The following CORO2A variants were observed in gnomAD, a reference collection of about 807,000 sequenced individuals.
CORO2A encodes coronin-2A.
CORO2A carries 47 observed loss-of-function variants against 62.4 expected under a neutral mutation model. That is an observed-to-expected ratio of 0.75 (90% CI 0.60 to 0.96). CORO2A has a LOEUF of 0.96. Ranked by LOEUF, CORO2A falls within the 40% of genes least tolerant of loss-of-function variation. CORO2A has a pLI of 0.00. For missense variants in CORO2A, 610 were observed against 684.1 expected, an observed-to-expected ratio of 0.89 and a Z score of 1.21; for synonymous variants, 273 against 268.9, an observed-to-expected ratio of 1.02 and a Z score of -0.15.
At chr9:98,144,398 T>TG (rs1423632991) in intron 2 of CORO2A, among the ~76,000 whole-genome samples, 1 of 152,090 alleles carries the variant, frequency 6.6e-6, no homozygotes, top group East Asian at 1.9e-4. Flanking sequence ...GAGCCAGGAT[T>TG]GGGAATGTTT....
rs1220156153 is a variant in CORO2A, at chr9:98,133,709, G to C, written c.469-492C>G. Among the ~76,000 whole-genome samples the C allele has an allele frequency of 3.3e-5, 5 of 152,262 alleles. No individual in the cohort carries two copies. The East Asian group carries it at 9.7e-4, about 29-fold the overall frequency. ...ACACCCCATACAAACAGATGAGAAA[G>C]CGCTGTGGATCGGAAGAGCGAGGGC... On this transcript the variant is annotated intron_variant, in intron 4 of 11. Coordinates refer to ENST00000375077, the MANE Select transcript of CORO2A (RefSeq NM_052820.4).
At chr9:98,181,367 G>A (rs1228047445) in intron 1 of CORO2A, among the ~76,000 whole-genome samples, 2 of 140,782 alleles carry the variant, frequency 1.4e-5, no homozygotes, top group Non-Finnish European at 3.0e-5. Flanking sequence ...TAAGAGATGA[G>A]GTCTCACTAT....
chr9:98,134,922 T>A lies in CORO2A; in HGVS notation c.352A>T (p.Thr118Ser). Reference sequence around the variant, plus strand: ...TTCCTGTAGGCCGTGAGGTTCCTGGTCAGCAGCTGCTTGGGGATGCTCCAG... The same window carrying A: ...TTCCTGTAGGCCGTGAGGTTCCTGGACAGCAGCTGCTTGGGGATGCTCCAG... Reference protein sequence around the residue: ...KIWSIPKQLLTRNLTAYRKEL... With the variant: ...KIWSIPKQLLSRNLTAYRKEL... The change falls in exon 4 of 12, where the codon ACC (threonine) becomes TCC (serine). Residue 118 changes from threonine to serine, a missense_variant. Thr to Ser is a moderately conservative substitution (Grantham distance 58). Transcript: ENST00000375077. 6.2e-7 allele frequency: 1 copy of A among 1,614,142 alleles called. No homozygotes were observed. Among genetic ancestry groups the A allele is most frequent in the Non-Finnish European group, 8.5e-7 (1 of 1,180,014 alleles).
intron 2 of CORO2A, among the ~76,000 whole-genome samples, chr9:98,139,142 TA>T (rs1827533077): frequency 6.7e-6 from 1 of 150,368 alleles, no homozygotes; most frequent in African/African-American, 2.5e-5. Flanking sequence ...GAAGGGGCAA[TA>T]GGGGGTGACT....
At chr9:98,153,966 T>C (rs150212085) in intron 2 of CORO2A, among the ~76,000 whole-genome samples, 96 of 152,240 alleles carry the variant, frequency 6.3e-4, no homozygotes, top group African/African-American at 2.3e-3. Context: ...ATCATATGGT[T>C]TTTCCTCTTT....
At chr9:98,126,416 T>C in intron 11 of CORO2A, 133 bp downstream of exon 11, 1 of 1,202,854 alleles carries the variant, frequency 8.3e-7, no homozygotes, top group Non-Finnish European at 1.2e-6. Flanking sequence ...ACAAAATGAG[T>C]CAAGTGACTA....
intron 1 of CORO2A, among the ~76,000 whole-genome samples, chr9:98,192,204 G>C (rs898326133): frequency 1.3e-5 from 2 of 152,230 alleles, no homozygotes; most frequent in African/African-American, 2.4e-5. Flanking sequence ...TGTCGGGACC[G>C]GCTGGCCGCG....
chr9:98,126,433 G>T, intron 11 of CORO2A, 116 bp downstream of exon 11: 2 of 1,367,620 alleles, frequency 1.5e-6, no homozygotes, highest in Non-Finnish European at 2.0e-6. Flanking sequence ...ACTAGGCCAG[G>T]CCACACAGCT....
chr9:98,124,662 G>T lies in CORO2A; in HGVS notation c.*112C>A. The T allele has an allele frequency of 1.8e-6, 2 of 1,139,450 alleles. No individual in the cohort carries two copies. Among genetic ancestry groups the T allele is most frequent in the East Asian group, 2.9e-5 (1 of 34,688 alleles). The allele number at this position is 1,139,450 out of a possible 1,614,324, so 70.6% of individuals were successfully genotyped here. A position where few individuals can be genotyped will look rare whatever the true frequency, so the allele number is the denominator to read the frequency against. On this transcript the variant is annotated 3_prime_UTR_variant, in exon 12 of 12. Transcript: ENST00000375077. ...TCAGCGATGGAGAGTTTTGTTTTCT[G>T]GTAAAAAATATAGAAATAGTGGTTG...
At chr9:98,150,504 A>G (rs917535462) in intron 2 of CORO2A, among the ~76,000 whole-genome samples, 1 of 152,132 alleles carries the variant, frequency 6.6e-6, no homozygotes, top group Non-Finnish European at 1.5e-5. Context: ...CGGCTCAAAG[A>G]TCACCTTCCC....
At chr9:98,127,982 G>A (rs1827350656) in intron 10 of CORO2A, among the ~76,000 whole-genome samples, 188 bp downstream of exon 10, 1 of 152,100 alleles carries the variant, frequency 6.6e-6, no homozygotes. Context: ...GAGCTCTTGG[G>A]TCAAGCCCCC....
intron 2 of CORO2A, among the ~76,000 whole-genome samples, chr9:98,140,589 A>T (rs1459739434): frequency 6.6e-6 from 1 of 152,098 alleles, no homozygotes; most frequent in Non-Finnish European, 1.5e-5. Flanking sequence ...AACTACAGGC[A>T]TGTGTCACCA....
rs1047403376 is a variant in CORO2A at position 98,121,474 on chromosome 9, T to C, written c.*3300A>G. 1 of 152,192 alleles carries C rather than the reference T, an allele frequency of 6.6e-6. No homozygotes were observed. Among genetic ancestry groups the C allele is most frequent in the African/African-American group, 2.4e-5 (1 of 41,432 alleles). The allele number at this position is 152,192 out of a possible 1,614,324, so 9.4% of individuals were successfully genotyped here. ...ATCTGATAAAAATTACCTATCCCTC[T>C]CCCTTGCTGTGAAATAATTTAAATA... is the stretch of plus-strand genomic sequence containing the variant. On this transcript the variant is annotated 3_prime_UTR_variant, in exon 12 of 12. Transcript: ENST00000375077.
chr9:98,178,483 T>C (rs1469995963), intron 1 of CORO2A, among the ~76,000 whole-genome samples: 4 of 152,178 alleles, frequency 2.6e-5, no homozygotes, highest in Non-Finnish European at 4.4e-5. Flanking sequence ...TGAATATAAT[T>C]TGTAAATCCA....
chr9:98,126,130 A>G (rs1827314843), intron 11 of CORO2A, among the ~76,000 whole-genome samples: 1 of 147,832 alleles, frequency 6.8e-6, no homozygotes, highest in Admixed American at 6.8e-5. Flanking sequence ...CCACCTCCCA[A>G]TTTCAAGCCA....
chr9:98,191,403 C>T (rs1034624134), intron 1 of CORO2A, among the ~76,000 whole-genome samples: 60 of 152,334 alleles, frequency 3.9e-4, no homozygotes, highest in African/African-American at 1.4e-3. Flanking sequence ...TCCCTGGGAT[C>T]TGATGGGAGA....
chr9:98,135,845 A>G (rs768292805), intron 3 of CORO2A, among the ~76,000 whole-genome samples: 1 of 152,198 alleles, frequency 6.6e-6, no homozygotes, highest in Non-Finnish European at 1.5e-5. Flanking sequence ...GAGTAGTGAC[A>G]GGCTCCAGAT....
chr9:98,147,623 T>G (rs1017164852), intron 2 of CORO2A, among the ~76,000 whole-genome samples: 7 of 152,206 alleles, frequency 4.6e-5, no homozygotes, highest in Admixed American at 4.6e-4. Context: ...GGATGCCCAG[T>G]AAAATTCAAA....
intron 1 of CORO2A, among the ~76,000 whole-genome samples, chr9:98,173,904 A>G (rs1828072848): frequency 6.6e-6 from 1 of 152,184 alleles, no homozygotes; most frequent in African/African-American, 2.4e-5. Flanking sequence ...ATCACCTGAG[A>G]TCGGGAGTTC....
Sources: allele counts gnomAD v4.1 joint callset (sites outside exome capture counted in the v4.1 genomes callset), GRCh38; gene constraint gnomAD v4.1.1; transcripts MANE v1.5; gene names NCBI Gene and HGNC (gene_info 2026-07-23, HGNC 2026-07-21).